RABGEF1: variants seen among roughly 807,000 people sequenced by gnomAD.
The protein encoded by RABGEF1 is RAB guanine nucleotide exchange factor 1, also known as rab5 GDP/GTP exchange factor.
In RABGEF1, 26 loss-of-function variants were observed where a neutral mutation model predicts 57.3. The ratio of observed to expected loss-of-function variants is 0.45; its 90% CI spans 0.33 to 0.63. The LOEUF is 0.63. RABGEF1 is among the 20% of genes least tolerant of loss of function. The pLI, the probability that RABGEF1 is intolerant of heterozygous loss-of-function variation, is 0.02. For synonymous variants in RABGEF1, 185 were observed against 210.7 expected, an observed-to-expected ratio of 0.88 and a Z score of 1.06; for missense variants, 464 against 607.6, an observed-to-expected ratio of 0.76 and a Z score of 2.48.
At chr7:66,685,472 T>C (rs1790478413) in intron 1 of RABGEF1, among the ~76,000 whole-genome samples, 1 of 151,866 alleles carries the variant, frequency 6.6e-6, no homozygotes, top group Non-Finnish European at 1.5e-5. Context: ...CTGGGCAACA[T>C]AGCAAGACTG....
rs1195695917 is a variant in RABGEF1 at position 66,810,532 on chromosome 7, C to T, written c.*1248C>T. On this transcript the variant is annotated 3_prime_UTR_variant, in exon 9 of 9. Transcript: ENST00000284957. ...TATGGTGTAACCAAAGAATCTTGCA[C>T]TCAATGCACAGTGTGATGTTAACTA... 6.6e-6 allele frequency: 1 copy of T among 152,210 alleles called. No homozygotes were observed. The highest frequency in any genetic ancestry group is 1.5e-5 in the Non-Finnish European group (1 of 68,034). 9.4% of individuals were successfully genotyped at this position (152,210 alleles called of 1,614,324 possible).
Position 66,771,379 on chromosome 7 carries a change from T to C in RABGEF1, c.-17-504T>C, listed in dbSNP as rs181475530. On this transcript the variant is annotated intron_variant, in intron 1 of 8. Transcript: ENST00000284957. ...TACTCTCAATCTCCTGATTTTGTTATCCGCCCTCCTCAGCCTCCCAAAGGG... is the reference window on the plus strand; with the variant it reads ...TACTCTCAATCTCCTGATTTTGTTACCCGCCCTCCTCAGCCTCCCAAAGGG... 3.6e-3 allele frequency among the ~76,000 whole-genome samples: 553 copies of C among 152,296 alleles called. 7 individuals are homozygous for C. The highest frequency in any genetic ancestry group is 6.8e-3 in the Middle Eastern group (2 of 294).
chr7:66,740,380 ACCACCGCGGCCGCAGCC>A (rs1308943445), upstream of RABGEF1: 1 of 152,250 alleles, frequency 6.6e-6, no homozygotes, highest in African/African-American at 2.4e-5. Flanking sequence ...CATTCGCGCT[ACCACCGCGGCCGCAGCC>A]CCAGGAGTCG....
intron 4 of RABGEF1, among the ~76,000 whole-genome samples, chr7:66,794,959 T>G (rs1388246430): frequency 6.6e-6 from 1 of 152,226 alleles, no homozygotes; most frequent in East Asian, 1.9e-4. Flanking sequence ...TAAATCTATT[T>G]AAGAATACGT....
chr7:66,785,543 G>A lies in RABGEF1; in HGVS notation c.513+1702G>A, dbSNP rs116034272. On this transcript the variant is annotated intron_variant, in intron 4 of 8. Transcript: ENST00000284957. ...TCACTAATCATATAAATTTCTTGGGGCAGTTCCTCTGAAGTTGTGAAGAAT... is the reference window on the plus strand; with the variant it reads ...TCACTAATCATATAAATTTCTTGGGACAGTTCCTCTGAAGTTGTGAAGAAT... Among the ~76,000 whole-genome samples the A allele has an allele frequency of 8.3e-3, 1,267 of 152,288 alleles. 13 individuals are homozygous for A. Among genetic ancestry groups the A allele is most frequent in the African/African-American group, 0.028 (1,145 of 41,546 alleles).
chr7:66,694,103 C>G (rs554819919), intron 1 of RABGEF1, among the ~76,000 whole-genome samples: 1 of 152,344 alleles, frequency 6.6e-6, no homozygotes, highest in East Asian at 1.9e-4. Flanking sequence ...GCCACTGCAC[C>G]CAGCCTTGTT....
At chr7:66,745,191 C>CA (rs199909175) in intron 1 of RABGEF1, among the ~76,000 whole-genome samples, 6,451 of 133,126 alleles carry the variant, frequency 0.048, 186 homozygotes, top group East Asian at 0.089. Flanking sequence ...GACTCCATCT[C>CA]AAAAAAAAAA....
the RABGEF1 span, among the ~76,000 whole-genome samples, chr7:66,655,321 C>T: frequency 6.6e-6 from 1 of 152,244 alleles, no homozygotes; most frequent in African/African-American, 2.4e-5. Flanking sequence ...AGGGACTCTG[C>T]CGCTTTGGAG....
At chr7:66,684,620 C>G (rs1351354400) in intron 1 of RABGEF1, among the ~76,000 whole-genome samples, 4 of 152,052 alleles carry the variant, frequency 2.6e-5, no homozygotes, top group Admixed American at 2.0e-4. Context: ...GTAATTTAGC[C>G]TGATTGGCTA....
Position 66,697,954 on chromosome 7 carries a change from C to G in RABGEF1, c.-872-14213C>G, listed in dbSNP as rs73135952. Among the ~76,000 whole-genome samples the G allele has an allele frequency of 3.5e-4, 53 of 152,190 alleles. No individual in the cohort carries two copies. The South Asian group carries it at 0.011, about 31-fold the overall frequency. ...CATGAGCCTCTTCCTTATTGGGAAG[C>G]CCGGCCCTCTCCATCCCCACTACCT... On this transcript the variant is annotated intron_variant and NMD_transcript_variant, in intron 1 of 9. Coordinates refer to the RABGEF1 transcript ENST00000607882.
At chr7:66,768,382 G>A (rs905031376) in intron 1 of RABGEF1, among the ~76,000 whole-genome samples, 2 of 152,094 alleles carry the variant, frequency 1.3e-5, no homozygotes, top group African/African-American at 4.8e-5. Context: ...TTTTAAATTG[G>A]GTGGTTTGTT....
the RABGEF1 span, among the ~76,000 whole-genome samples, chr7:66,655,709 C>T: frequency 6.6e-6 from 1 of 152,110 alleles, no homozygotes; most frequent in Non-Finnish European, 1.5e-5. Context: ...ATTGTTGTAC[C>T]AAGAAACTTG....
rs112626888 is a variant in RABGEF1 at position 66,694,471 on chromosome 7, C to T, written c.-873+12213C>T. Reference sequence around the variant, plus strand: ...CTGGAAAGGTGGGAAAGGACCAGGCCACAGAGGGCCCGGCGGGGCCTGGAG... The same window carrying T: ...CTGGAAAGGTGGGAAAGGACCAGGCTACAGAGGGCCCGGCGGGGCCTGGAG... On this transcript the variant is annotated intron_variant and NMD_transcript_variant, in intron 1 of 9. Coordinates refer to the RABGEF1 transcript ENST00000607882. 2.8e-3 allele frequency among the ~76,000 whole-genome samples: 429 copies of T among 152,342 alleles called. 1 individual carries two copies. The highest frequency in any genetic ancestry group is 9.9e-3 in the African/African-American group (413 of 41,574).
the RABGEF1 span, among the ~76,000 whole-genome samples, chr7:66,666,806 G>GTCCCCTGAGT: frequency 6.6e-6 from 1 of 152,236 alleles, no homozygotes; most frequent in African/African-American, 2.4e-5. Flanking sequence ...CCTGGAGATG[G>GTCCCCTGAGT]TCCCCTGAGT....
intron 4 of RABGEF1, among the ~76,000 whole-genome samples, chr7:66,789,112 C>T (rs1811942657): frequency 6.6e-6 from 1 of 152,192 alleles, no homozygotes; most frequent in Admixed American, 6.5e-5. Flanking sequence ...TAAGTGTCCT[C>T]CTATACCTTA....
At chr7:66,738,020 T>G (rs201995935), upstream of RABGEF1, among the ~76,000 whole-genome samples, 6,158 of 139,700 alleles carry the variant, frequency 0.044, 199 homozygotes, top group East Asian at 0.11. Context: ...TTTTGTTTTT[T>G]TTGTTTTTTT....
intron 2 of RABGEF1, among the ~76,000 whole-genome samples, chr7:66,732,831 A>G (rs1797498980): frequency 6.6e-6 from 1 of 152,034 alleles, no homozygotes. Flanking sequence ...CTGTAGCCAC[A>G]TGACAGTGTT....
chr7:66,754,526 G>T (rs574945083), intron 1 of RABGEF1, among the ~76,000 whole-genome samples: 1 of 151,986 alleles, frequency 6.6e-6, no homozygotes, highest in East Asian at 1.9e-4. Context: ...GGCAGATCAC[G>T]TGAGCCCAGG....
At chr7:66,762,193 C>T (rs1301571020) in intron 1 of RABGEF1, among the ~76,000 whole-genome samples, 1 of 152,118 alleles carries the variant, frequency 6.6e-6, no homozygotes. Context: ...AGAAATGTAA[C>T]AGTGGAGAAG....
Sources: gnomAD v4.1 joint callset for allele counts (sites outside exome capture counted in the v4.1 genomes callset) on GRCh38, gnomAD v4.1.1 for gene constraint, MANE v1.5 for transcripts, NCBI Gene and HGNC (gene_info 2026-07-23, HGNC 2026-07-21) for gene names.